The following DPYD variants were observed in gnomAD, a reference collection of about 807,000 sequenced individuals.
DPYD encodes dihydropyrimidine dehydrogenase.
In DPYD, 109 loss-of-function variants were observed where a neutral mutation model predicts 116.2. That is an observed-to-expected ratio of 0.94 (90% CI 0.80 to 1.10). The LOEUF (loss-of-function observed/expected upper bound fraction) is 1.10. Among genes scored for constraint, DPYD ranks in the 50% least tolerant of loss-of-function variants. DPYD has a pLI of 0.00. For missense variants in DPYD, 1,302 were observed against 1,254.5 expected, an observed-to-expected ratio of 1.04 and a Z score of -0.57; for synonymous variants, 440 against 432.0, an observed-to-expected ratio of 1.02 and a Z score of -0.23.
At chr1:97,376,885 G>GTATATATATA (rs879914049) in intron 15 of DPYD, among the ~76,000 whole-genome samples, 1 of 104,996 alleles carries the variant, frequency 9.5e-6, no homozygotes, top group African/African-American at 3.5e-5. Context: ...GTGTGTGTGT[G>GTATATATATA]TGTATATATA....
At chr1:97,423,418 C>T (rs1044799484) in intron 14 of DPYD, among the ~76,000 whole-genome samples, 4 of 152,042 alleles carry the variant, frequency 2.6e-5, no homozygotes, top group African/African-American at 4.8e-5. Context: ...TTTGTTCCTT[C>T]CCTTTCAGAC....
intron 5 of DPYD, among the ~76,000 whole-genome samples, chr1:97,707,297 A>AT (rs1236924222): frequency 6.6e-6 from 1 of 151,718 alleles, no homozygotes; most frequent in African/African-American, 2.4e-5. Flanking sequence ...ATGAGCATAT[A>AT]TTTTTTTTAT....
In DPYD at chr1:97,270,041, C is replaced by T. The variant is rs150949058; in HGVS notation, c.2300-35047G>A. ...ACTCTTCCATATTTCAGGTGCTTTTCGGAGGGACATAGGTTATAAGCACCA... is the reference window on the plus strand; with the variant it reads ...ACTCTTCCATATTTCAGGTGCTTTTTGGAGGGACATAGGTTATAAGCACCA... On this transcript the variant is annotated intron_variant, in intron 18 of 22. Coordinates refer to ENST00000370192, the MANE Select transcript of DPYD (RefSeq NM_000110.4). 1.4e-3 allele frequency among the ~76,000 whole-genome samples: 219 copies of T among 152,240 alleles called. 2 individuals are homozygous for T. The highest frequency in any genetic ancestry group is 4.9e-3 in the African/African-American group (204 of 41,528).
chr1:97,747,994 A>G (rs557630018), intron 3 of DPYD, among the ~76,000 whole-genome samples: 15 of 152,312 alleles, frequency 9.8e-5, no homozygotes, highest in Admixed American at 8.5e-4. Flanking sequence ...TCTTCAATAT[A>G]TTCTGAAACT....
chr1:97,648,677 G>A (rs1243184842), intron 8 of DPYD, among the ~76,000 whole-genome samples: 1 of 151,954 alleles, frequency 6.6e-6, no homozygotes, highest in African/African-American at 2.4e-5. Context: ...CACATGTTAA[G>A]CATTTGTTTT....
At chr1:97,477,810 C>T (rs1249346561) in intron 13 of DPYD, among the ~76,000 whole-genome samples, 4 of 151,672 alleles carry the variant, frequency 2.6e-5, no homozygotes, top group East Asian at 1.9e-4. Context: ...TTAGTAGAGA[C>T]GGGGTTTCAC....
At chr1:97,664,255 A>C (rs1270872108) in intron 8 of DPYD, among the ~76,000 whole-genome samples, 2 of 151,998 alleles carry the variant, frequency 1.3e-5, no homozygotes, top group African/African-American at 4.8e-5. Context: ...GAAACTTATA[A>C]ATATTAGATT....
chr1:97,312,681 T>A (rs1450235968), intron 16 of DPYD, among the ~76,000 whole-genome samples: 1 of 151,802 alleles, frequency 6.6e-6, no homozygotes, highest in Non-Finnish European at 1.5e-5. Context: ...GTTTTTAAAA[T>A]ATAAATATGT....
chr1:97,597,326 G>A (rs1452512672), intron 8 of DPYD, among the ~76,000 whole-genome samples: 1 of 152,194 alleles, frequency 6.6e-6, no homozygotes, highest in East Asian at 1.9e-4. Context: ...GCCAGGGACA[G>A]TGCATCTGAA....
intron 2 of DPYD, among the ~76,000 whole-genome samples, chr1:97,860,927 A>G (rs1328259921): frequency 6.6e-6 from 1 of 152,034 alleles, no homozygotes; most frequent in Non-Finnish European, 1.5e-5. Context: ...AACATTTTTT[A>G]AGGTTTATAT....
chr1:97,848,859 T>C (rs1670438230), intron 2 of DPYD, among the ~76,000 whole-genome samples: 1 of 152,220 alleles, frequency 6.6e-6, no homozygotes, highest in African/African-American at 2.4e-5. Flanking sequence ...TTAGGAGTCA[T>C]ATGTCTCCAA....
intron 1 of DPYD, among the ~76,000 whole-genome samples, chr1:97,886,048 CTT>C (rs1299390579): frequency 6.6e-6 from 1 of 152,028 alleles, no homozygotes; most frequent in African/African-American, 2.4e-5. Context: ...AATGAAAACT[CTT>C]TGAAGTCTCT....
chr1:97,203,365 A>T (rs748636682), intron 19 of DPYD, among the ~76,000 whole-genome samples: 1 of 151,898 alleles, frequency 6.6e-6, no homozygotes, highest in Non-Finnish European at 1.5e-5. Flanking sequence ...GGAAAACTTG[A>T]TTTATCATAT....
intron 20 of DPYD, among the ~76,000 whole-genome samples, chr1:97,162,592 G>A (rs867904337): frequency 0.023 from 3,548 of 152,034 alleles, 124 homozygotes; most frequent in African/African-American, 0.081. Flanking sequence ...TCCCCATCAA[G>A]CTACCAATGA....
intron 14 of DPYD, among the ~76,000 whole-genome samples, chr1:97,448,723 T>C (rs1204288569): frequency 6.6e-6 from 1 of 151,828 alleles, no homozygotes; most frequent in Non-Finnish European, 1.5e-5. Flanking sequence ...GTTAATTATA[T>C]AATATGAAAA....
chr1:97,398,756 G>A (rs964915377), intron 14 of DPYD, among the ~76,000 whole-genome samples: 7 of 152,192 alleles, frequency 4.6e-5, no homozygotes, highest in African/African-American at 1.4e-4. Context: ...TTTGAGAAGT[G>A]TCTATTCATT....
chr1:97,401,505 G>C (rs1199582106), intron 14 of DPYD, among the ~76,000 whole-genome samples: 1 of 152,080 alleles, frequency 6.6e-6, no homozygotes, highest in African/African-American at 2.4e-5. Flanking sequence ...GTAGAGATGG[G>C]GTTTTGCCAT....
At chr1:97,686,408 G>A (rs1203394676) in intron 7 of DPYD, among the ~76,000 whole-genome samples, 11 of 151,238 alleles carry the variant, frequency 7.3e-5, no homozygotes, top group African/African-American at 9.7e-5. Context: ...AGGCCGAGGC[G>A]GGCGGATCAC....
intron 18 of DPYD, among the ~76,000 whole-genome samples, chr1:97,270,833 T>C (rs945951666): frequency 2.0e-5 from 3 of 152,228 alleles, no homozygotes; most frequent in Non-Finnish European, 2.9e-5. Flanking sequence ...CAGGAAGATT[T>C]CTGCTCTTAA....
Sources: allele counts gnomAD v4.1 joint callset (sites outside exome capture counted in the v4.1 genomes callset), GRCh38; gene constraint gnomAD v4.1.1; transcripts MANE v1.5; gene names NCBI Gene and HGNC (gene_info 2026-07-23, HGNC 2026-07-21).